The following ABI3BP variants were observed in gnomAD, a reference collection of about 807,000 sequenced individuals.
ABI3BP encodes ABI family member 3 binding protein.
A neutral mutation model predicts 268.6 loss-of-function variants in ABI3BP; 216 were observed. The ratio of observed to expected loss-of-function variants is 0.80; its 90% CI spans 0.72 to 0.90. The LOEUF (loss-of-function observed/expected upper bound fraction) is 0.90. Among genes scored for constraint, ABI3BP ranks in the 40% least tolerant of loss-of-function variants. The pLI is 0.00. For missense variants in ABI3BP, 2,090 were observed against 2,182.4 expected, an observed-to-expected ratio of 0.96 and a Z score of 0.84; for synonymous variants, 730 against 730.0, an observed-to-expected ratio of 1.00 and a Z score of 0.00.
chr3:100,907,492 G>T lies in ABI3BP; in HGVS notation c.260-4806C>A, dbSNP rs578035216. Among the ~76,000 whole-genome samples, 6 of 151,180 alleles carry T rather than the reference G, an allele frequency of 4.0e-5. 1 individual carries two copies. The highest frequency in any genetic ancestry group is 6.6e-5 in the Admixed American group (1 of 15,176). On this transcript the variant is annotated intron_variant, in intron 2 of 67. Coordinates refer to ENST00000471714, the MANE Select transcript of ABI3BP (RefSeq NM_001375547.2). Reference sequence around the variant, plus strand: ...CTGGGTGACAGTGAGACCTTGTTTTGGGGGGGGAATAAAAGCTGTAACAAT... The same window carrying T: ...CTGGGTGACAGTGAGACCTTGTTTTTGGGGGGGAATAAAAGCTGTAACAAT...
chr3:100,862,192 T>A, intron 14 of ABI3BP, 119 bp downstream of exon 14: 1 of 728,622 alleles, frequency 1.4e-6, no homozygotes, highest in East Asian at 2.8e-5. Flanking sequence ...AACAAATGTA[T>A]GATAGATTTT....
At chr3:100,914,028 A>G (rs2057715468) in intron 2 of ABI3BP, among the ~76,000 whole-genome samples, 1 of 152,216 alleles carries the variant, frequency 6.6e-6, no homozygotes, top group Non-Finnish European at 1.5e-5. Flanking sequence ...TGCAGGCAGA[A>G]AGGAAAAAAA....
chr3:100,950,558 A>G (rs1214360462), intron 1 of ABI3BP, among the ~76,000 whole-genome samples: 1 of 150,388 alleles, frequency 6.6e-6, no homozygotes, highest in Admixed American at 6.6e-5. Flanking sequence ...GAACAGGAAG[A>G]AGGAAATTTC....
chr3:100,890,389 T>C (rs961195685), intron 4 of ABI3BP, among the ~76,000 whole-genome samples: 1 of 152,050 alleles, frequency 6.6e-6, no homozygotes, highest in Non-Finnish European at 1.5e-5. Flanking sequence ...CCCTTCATTC[T>C]CTCTTTGTCC....
At chr3:100,855,861 A>G (rs1307055184) in intron 14 of ABI3BP, among the ~76,000 whole-genome samples, 1 of 152,238 alleles carries the variant, frequency 6.6e-6, no homozygotes, top group East Asian at 1.9e-4. Context: ...ACTTAAATAC[A>G]TTGATAATGC....
At chr3:100,769,732 C>T (rs1029978346) in intron 62 of ABI3BP, among the ~76,000 whole-genome samples, 2 of 152,124 alleles carry the variant, frequency 1.3e-5, no homozygotes, top group African/African-American at 4.8e-5. Context: ...TTAGCACAGT[C>T]CCAAGGAAAG....
At chr3:100,756,215 T>A (rs1276042062) in intron 63 of ABI3BP, among the ~76,000 whole-genome samples, 1 of 152,234 alleles carries the variant, frequency 6.6e-6, no homozygotes, top group Non-Finnish European at 1.5e-5. Flanking sequence ...GTACTGTTAC[T>A]ATTTTTGCTT....
intron 20 of ABI3BP, among the ~76,000 whole-genome samples, chr3:100,845,843 G>A (rs2098760380): frequency 7.5e-6 from 1 of 132,610 alleles, no homozygotes. Context: ...TGCAAAAGCA[G>A]CCTTTTTTTT....
chr3:100,759,858 G>C (rs948462265), intron 63 of ABI3BP, among the ~76,000 whole-genome samples: 4 of 152,122 alleles, frequency 2.6e-5, no homozygotes, highest in Non-Finnish European at 4.4e-5. Context: ...CTGACGCTTT[G>C]GTAGCTTATT....
At chr3:100,948,641 G>A (rs2073596840) in intron 1 of ABI3BP, among the ~76,000 whole-genome samples, 1 of 152,084 alleles carries the variant, frequency 6.6e-6, no homozygotes, top group Non-Finnish European at 1.5e-5. Context: ...TCCCAGGCTG[G>A]TGGCACATTT....
chr3:100,829,982 A>G (rs1170032176), intron 32 of ABI3BP, among the ~76,000 whole-genome samples: 4 of 150,588 alleles, frequency 2.7e-5, no homozygotes, highest in African/African-American at 9.8e-5. Flanking sequence ...TTGTGATGGT[A>G]CTTACAATTT....
At chr3:100,924,969 CT>C (rs2061398710) in intron 2 of ABI3BP, among the ~76,000 whole-genome samples, 1 of 152,122 alleles carries the variant, frequency 6.6e-6, no homozygotes, top group Admixed American at 6.5e-5. Flanking sequence ...CTTCCGGTCA[CT>C]TTTTATACTA....
chr3:100,990,209 G>A (rs2092697822), intron 1 of ABI3BP, among the ~76,000 whole-genome samples: 1 of 152,112 alleles, frequency 6.6e-6, no homozygotes, highest in Admixed American at 6.6e-5. Context: ...GTGTTATTCG[G>A]TGTGCATGTT....
At position 100,789,455 on chromosome 3, in the gene ABI3BP, A is replaced by G. The variant is rs749640989; in HGVS notation, c.4086T>C (p.Pro1362=). The G allele has an allele frequency of 8.8e-6, 14 of 1,599,246 alleles. No homozygotes were observed. Among genetic ancestry groups the G allele is most frequent in the Admixed American group, 1.7e-5 (1 of 58,316 alleles). The change falls in exon 56 of 68, where the codon CCT becomes CCC. Residue 1362 remains proline (P), a splice_region_variant and synonymous_variant. Coordinates refer to ENST00000471714, the MANE Select transcript of ABI3BP (RefSeq NM_001375547.2). The part of the protein sequence containing the change: ...PRTSDKPHIR[P]VLNRTTTRPT... ...TAAGTCATCAGAGAAACAACTTACCAGGTCTGATGTGTGGCTTGTCAGATG... is the reference window on the plus strand; with the variant it reads ...TAAGTCATCAGAGAAACAACTTACCGGGTCTGATGTGTGGCTTGTCAGATG...
chr3:100,945,398 C>T (rs1047204953), intron 1 of ABI3BP, among the ~76,000 whole-genome samples: 2 of 152,088 alleles, frequency 1.3e-5, no homozygotes, highest in South Asian at 4.1e-4. Flanking sequence ...CTCAAACTCA[C>T]AGAAGTTGCT....
At chr3:100,823,739 A>C (rs1420851172) in intron 36 of ABI3BP, among the ~76,000 whole-genome samples, 1 of 152,228 alleles carries the variant, frequency 6.6e-6, no homozygotes, top group Non-Finnish European at 1.5e-5. Flanking sequence ...GAGTATGTTA[A>C]AGAAGTCAAC....
In ABI3BP at chr3:100,837,133, T is replaced by C. The variant is rs976658883; in HGVS notation, c.2122A>G (p.Met708Val). ...PVPFETEAPSMTIVPTTDIEP... is the reference protein window; with the variant it reads ...PVPFETEAPSVTIVPTTDIEP... ...AAGAAAGCATCATTACCTATGGTCA[T>C]TGAGGGAGCTTCAGTTTCAAATGGA... Residue 708 changes from methionine to valine, a missense_variant, in exon 27 of 68, where the codon ATG becomes GTG. Met to Val is a conservative substitution (Grantham distance 21). Transcript: ENST00000471714. 8 of 1,534,724 alleles carry C rather than the reference T, an allele frequency of 5.2e-6. No homozygotes were observed. The African/African-American group carries it at 8.2e-5, about 16-fold the overall frequency.
At chr3:100,977,121 A>C (rs1005924472) in intron 1 of ABI3BP, among the ~76,000 whole-genome samples, 2 of 152,022 alleles carry the variant, frequency 1.3e-5, no homozygotes, top group Non-Finnish European at 2.9e-5. Flanking sequence ...TTTATTTCCA[A>C]TTTTCTTTTG....
intron 10 of ABI3BP, among the ~76,000 whole-genome samples, 159 bp from the exon 11 acceptor site, chr3:100,865,066 G>A (rs1234919552): frequency 2.6e-5 from 4 of 152,124 alleles, no homozygotes; most frequent in African/African-American, 4.8e-5. Context: ...TGTCTCAAGT[G>A]CCTGAGCTGA....
Sources: gnomAD v4.1 joint callset for allele counts (sites outside exome capture counted in the v4.1 genomes callset) on GRCh38, gnomAD v4.1.1 for gene constraint, MANE v1.5 for transcripts, NCBI Gene and HGNC (gene_info 2026-07-23, HGNC 2026-07-21) for gene names.